Variants in KIAA1549 observed in about 807,000 individuals in gnomAD.
KIAA1549 encodes the protein UPF0606 protein KIAA1549.
KIAA1549 carries 70 observed loss-of-function variants against 156.4 expected under a neutral mutation model. That is an observed-to-expected ratio of 0.45 (90% CI 0.37 to 0.55). KIAA1549 has a LOEUF of 0.55. Ranked by LOEUF, KIAA1549 falls within the 20% of genes least tolerant of loss-of-function variation. KIAA1549 has a pLI of 0.00. For missense variants in KIAA1549, 2,428 were observed against 2,540.9 expected (o/e 0.96, Z 0.96); for synonymous variants, 1,103 against 1,066.4 (o/e 1.03, Z -0.67).
chr7:138,876,343 A>G (rs1426828788), intron 12 of KIAA1549: 3 of 151,824 alleles, frequency 2.0e-5, no homozygotes, highest in Admixed American at 1.3e-4. Context: ...TATTTTGCAA[A>G]CTCTTTTAAT....
chr7:138,893,922 C>T (rs1027397082), intron 10 of KIAA1549, among the ~76,000 whole-genome samples: 1 of 152,206 alleles, frequency 6.6e-6, no homozygotes, highest in African/African-American at 2.4e-5. Flanking sequence ...AATACAAACA[C>T]TGGCCAGGTG....
chr7:138,980,980 G>C (rs1313058063), intron 1 of KIAA1549, 103 bp downstream of exon 1: 1 of 1,034,580 alleles, frequency 9.7e-7, no homozygotes, highest in Non-Finnish European at 1.2e-6. Flanking sequence ...GAGGGAGCTG[G>C]AGAATAAAAG....
At chr7:138,923,716 T>C (rs1383856391) in intron 1 of KIAA1549, among the ~76,000 whole-genome samples, 1 of 152,186 alleles carries the variant, frequency 6.6e-6, no homozygotes, top group African/African-American at 2.4e-5. Flanking sequence ...TTATATGGAA[T>C]TAAAAGTTAT....
At chr7:138,852,852 G>A (rs1810274935) in intron 16 of KIAA1549, among the ~76,000 whole-genome samples, 1 of 152,220 alleles carries the variant, frequency 6.6e-6, no homozygotes, top group Non-Finnish European at 1.5e-5. Context: ...ACCGTTTACT[G>A]GTCCCCAGGA....
At chr7:138,947,069 GATA>G (rs147793059) in intron 1 of KIAA1549, among the ~76,000 whole-genome samples, 4,701 of 152,170 alleles carry the variant, frequency 0.031, 236 homozygotes, top group African/African-American at 0.11. Flanking sequence ...CACCAAGCAG[GATA>G]ATAAGTAAAA....
chr7:138,891,409 T>C (rs1272693548), intron 10 of KIAA1549, among the ~76,000 whole-genome samples: 1 of 152,250 alleles, frequency 6.6e-6, no homozygotes, highest in Non-Finnish European at 1.5e-5. Context: ...CCATTCATGA[T>C]GAAGAGGATC....
rs1219913524 is a variant in KIAA1549, at chr7:138,899,128, A to G, written c.3674T>C (p.Val1225Ala). Residue 1225 changes from valine (V) to alanine (A), a missense_variant, in exon 9 of 20, where the codon GTA becomes GCA. Physicochemically the swap from Val to Ala is moderately conservative, Grantham distance 64. Coordinates refer to ENST00000422774, the MANE Select transcript of KIAA1549 (RefSeq NM_001164665.2). ...ATCTCCCTCCAGCCTCGACACATTT[A>G]CCACCTGAAAGATAGCAGAAACCAT... ...VAAGNSVVQV[V>A]NVSRLEGDDN... 1 of 1,613,620 alleles carries G rather than the reference A, an allele frequency of 6.2e-7. No homozygotes were observed. The highest frequency in any genetic ancestry group is 8.5e-7 in the Non-Finnish European group (1 of 1,179,594).
Position 138,911,271 on chromosome 7 carries a change from A to G in KIAA1549, c.3020T>C (p.Val1007Ala). 1 of 1,604,322 alleles carries G rather than the reference A, an allele frequency of 6.2e-7. No individual in the cohort carries two copies. Among genetic ancestry groups the G allele is most frequent in the Admixed American group, 1.7e-5 (1 of 58,860 alleles). ...FTFLVTSGPF[V>A]YTAISVINVL... The stretch of plus-strand genomic sequence containing the variant: ...ATTTATGACGGATATTGCCGTGTAA[A>G]CGAAAGGACCGGATGTTACCAGAAA... The change falls in exon 4 of 20, where the codon GTT becomes GCT. Residue 1007 changes from valine (V) to alanine (A), a missense_variant. Transcript: ENST00000422774.
At chr7:138,978,120 A>C (rs1196694922) in intron 1 of KIAA1549, among the ~76,000 whole-genome samples, 1 of 152,258 alleles carries the variant, frequency 6.6e-6, no homozygotes, top group Non-Finnish European at 1.5e-5. Context: ...ATGAATGGAA[A>C]AATGCTTAAG....
At chr7:138,942,707 G>A (rs907928713) in intron 1 of KIAA1549, among the ~76,000 whole-genome samples, 38 of 152,002 alleles carry the variant, frequency 2.5e-4, no homozygotes, top group African/African-American at 8.7e-4. Flanking sequence ...TCAGGAGATC[G>A]AGACCATCCT....
chr7:138,954,343 C>T (rs1370891428), intron 1 of KIAA1549, among the ~76,000 whole-genome samples: 1 of 152,112 alleles, frequency 6.6e-6, no homozygotes, highest in Non-Finnish European at 1.5e-5. Context: ...GAAGGCCTCA[C>T]GGGGCATGGC....
intron 1 of KIAA1549, among the ~76,000 whole-genome samples, chr7:138,979,327 C>T (rs976050111): frequency 7.2e-5 from 11 of 152,152 alleles, no homozygotes; most frequent in African/African-American, 2.4e-4. Flanking sequence ...TTAAAGTTAC[C>T]AGAAGCACTT....
intron 4 of KIAA1549, among the ~76,000 whole-genome samples, chr7:138,910,397 C>CT (rs200459041): frequency 0.47 from 61,103 of 130,908 alleles, 15,451 homozygotes; most frequent in East Asian, 0.78. Context: ...TTCTTAAATT[C>CT]TTTTTTTTTT....
chr7:138,962,334 C>A (rs576268853), intron 1 of KIAA1549, among the ~76,000 whole-genome samples: 3 of 152,266 alleles, frequency 2.0e-5, no homozygotes, highest in South Asian at 4.1e-4. Flanking sequence ...ATGGTAGCTG[C>A]TAATCTCCAA....
At chr7:138,892,794 T>C (rs557130668) in intron 10 of KIAA1549, among the ~76,000 whole-genome samples, 3 of 152,348 alleles carry the variant, frequency 2.0e-5, no homozygotes, top group Admixed American at 6.5e-5. Flanking sequence ...GTTTGTAATA[T>C]GCAGAATTTT....
At chr7:138,903,474 C>G (rs1811900077) in intron 8 of KIAA1549, 114 bp downstream of exon 8, 1 of 1,105,654 alleles carries the variant, frequency 9.0e-7, no homozygotes, top group African/African-American at 1.6e-5. Context: ...AGAAATTTCT[C>G]ATGGCACTTC....
At chr7:138,962,952 A>G (rs950584180) in intron 1 of KIAA1549, among the ~76,000 whole-genome samples, 9 of 152,228 alleles carry the variant, frequency 5.9e-5, no homozygotes, top group Admixed American at 5.2e-4. Context: ...TCACCACCGC[A>G]GTCCTCTACA....
chr7:138,907,321 G>A (rs1254801216), intron 5 of KIAA1549, among the ~76,000 whole-genome samples: 1 of 152,178 alleles, frequency 6.6e-6, no homozygotes, highest in East Asian at 1.9e-4. Flanking sequence ...CTGAGCACAT[G>A]TACAGCTCCT....
chr7:138,927,947 G>A (rs1368654354), intron 1 of KIAA1549, among the ~76,000 whole-genome samples: 2 of 148,996 alleles, frequency 1.3e-5, no homozygotes, highest in African/African-American at 5.0e-5. Flanking sequence ...TTGAGACAGA[G>A]TCTTGCTCTG....
Sources: allele counts gnomAD v4.1 joint callset (sites outside exome capture counted in the v4.1 genomes callset), GRCh38; gene constraint gnomAD v4.1.1; transcripts MANE v1.5; gene names NCBI Gene and HGNC (gene_info 2026-07-23, HGNC 2026-07-21).